The following C9orf50 variants were observed in gnomAD, a reference collection of about 807,000 sequenced individuals.
C9orf50 encodes chromosome 9 open reading frame 50.
Under a neutral mutation model 42.5 loss-of-function variants are expected in C9orf50, and 33 were observed. That is an observed-to-expected ratio of 0.78 (90% CI 0.59 to 1.04). C9orf50 has a LOEUF of 1.04. C9orf50 is among the 50% of genes least tolerant of loss of function. The probability of loss-of-function intolerance (pLI) is 0.00; values close to 1 mark genes in which losing one functional copy is unlikely to be tolerated. For missense variants in C9orf50, 547 were observed against 594.3 expected, an observed-to-expected ratio of 0.92 and a Z score of 0.83; for synonymous variants, 257 against 273.4, an observed-to-expected ratio of 0.94 and a Z score of 0.59.
intron 3 of C9orf50, among the ~76,000 whole-genome samples, chr9:129,619,208 G>T (rs80053692): frequency 0.015 from 2,234 of 152,284 alleles, 60 homozygotes; most frequent in African/African-American, 0.051. Flanking sequence ...GGTTGTAGAA[G>T]ACTTGGTTCA....
Position 129,614,777 on chromosome 9 carries a change from C to A in C9orf50, c.880+707G>T, listed in dbSNP as rs960752550. Among the ~76,000 whole-genome samples the A allele has an allele frequency of 1.3e-5, 2 of 152,120 alleles. No homozygotes were observed. The highest frequency in any genetic ancestry group is 4.8e-5 in the African/African-American group (2 of 41,426). ...ATTAGCCAGGGGCGGTGGCGCATGC[C>A]TGTAATCCCAGGTACTCAGGAGGCT... On this transcript the variant is annotated intron_variant, in intron 4 of 6. Coordinates refer to ENST00000372478, the Ensembl canonical transcript of C9orf50. This position sits in a 1 kb window ranked among gnomAD's most constrained non-coding sequence, Gnocchi z 4.4.
chr9:129,612,967 G>C, intron 6 of C9orf50, 140 bp downstream of exon 6: 3 of 1,087,640 alleles, frequency 2.8e-6, no homozygotes, highest in Non-Finnish European at 3.9e-6. Flanking sequence ...CGTGGCCACT[G>C]CAAGCCCCCA....
In C9orf50 at chr9:129,613,535, C is replaced by T. The variant is rs370776156; in HGVS notation, c.943G>A (p.Gly315Arg). Residue 315 changes from glycine to arginine, a missense_variant, in exon 5 of 7, where the codon GGG becomes AGG. By Grantham distance (125) the Gly-to-Arg change is moderately radical. Transcript: ENST00000372478. The surrounding 1 kb of genome is among the most constrained non-coding windows in gnomAD (Gnocchi z 6.2). ...CTCTCCAGCCGTTTTCCGACACTCC[C>T]AAACACCCGCTCGGACGCCACTGGC... 2.5e-6 allele frequency: 4 copies of T among 1,614,074 alleles called. No individual in the cohort carries two copies. Among genetic ancestry groups the T allele is most frequent in the Admixed American group, 1.7e-5 (1 of 60,004 alleles).
intron 1 of C9orf50, 60 bp from the exon 2 acceptor site, chr9:129,619,890 T>G (rs1588124048): frequency 1.3e-6 from 2 of 1,575,782 alleles, no homozygotes; most frequent in African/African-American, 2.7e-5. Flanking sequence ...TCTAGTCATG[T>G]GGCCTCGGGG....
chr9:129,616,073 T>G (rs1188913209), intron 3 of C9orf50, among the ~76,000 whole-genome samples: 2 of 152,142 alleles, frequency 1.3e-5, no homozygotes, highest in African/African-American at 4.8e-5. Context: ...CCTGACCCTT[T>G]TGAGCCTCAG....
rs1489805019 is a variant in C9orf50 at position 129,620,499 on chromosome 9, G to A, written c.76C>T (p.Arg26Cys). Residue 26 changes from arginine to cysteine, a missense_variant, in exon 1 of 7, where the codon CGC becomes TGC. By Grantham distance (180) the Arg-to-Cys change is radical. This residue lies in a region of C9orf50 where 105 missense variants were observed against 98.5 expected (regional missense o/e 1.07). Transcript: ENST00000372478. This position sits in a 1 kb window ranked among gnomAD's most constrained non-coding sequence, Gnocchi z 5.8. ...TTGGGCAGCCGCGGGTCGCTGCTGC[G>A]TCGGAAGTCTCCGTCGCCAGGGAGC... The A allele has an allele frequency of 2.1e-6, 3 of 1,423,620 alleles. No homozygotes were observed. The highest frequency in any genetic ancestry group is 1.5e-5 in the South Asian group (1 of 68,796). The allele number at this position is 1,423,620 out of a possible 1,614,324, so 88.2% of individuals were successfully genotyped here. A position where few individuals can be genotyped will look rare whatever the true frequency, so the allele number is the denominator to read the frequency against.
At position 129,620,305 on chromosome 9, in the gene C9orf50, G is replaced by C. The variant is rs1470523296; in HGVS notation, c.270C>G (p.Ala90=). The C allele has an allele frequency of 2.4e-6, 3 of 1,247,282 alleles. No homozygotes were observed. Among genetic ancestry groups the C allele is most frequent in the Non-Finnish European group, 3.0e-6 (3 of 993,300 alleles). 77.3% of individuals were successfully genotyped at this position (1,247,282 alleles called of 1,614,324 possible). ...ACCGCAGCAGCCCCCGCTTCCGCAC[G>C]GCCCGCCGGGTCGCGGTGAGCAAGG... is the stretch of plus-strand genomic sequence containing the variant. The change falls in exon 1 of 7, where the codon GCC becomes GCG. Residue 90 remains alanine, a synonymous_variant. Coordinates refer to ENST00000372478, the Ensembl canonical transcript of C9orf50. This position sits in a 1 kb window ranked among gnomAD's most constrained non-coding sequence, Gnocchi z 5.8.
chr9:129,615,466 C>T lies in C9orf50; in HGVS notation c.880+18G>A, dbSNP rs751071708. 4 of 1,565,596 alleles carry T rather than the reference C, an allele frequency of 2.6e-6. No individual in the cohort carries two copies. In the Admixed American group the frequency reaches 5.5e-5, roughly 22 times the overall value. On this transcript the variant is annotated intron_variant, in intron 4 of 6. Coordinates refer to ENST00000372478, the Ensembl canonical transcript of C9orf50. The stretch of plus-strand genomic sequence containing the variant: ...AGAACTTTCGGGAGTCTCGAGGCTC[C>T]CCATCCTGTCTGCTTACCTGAGCGT...
chr9:129,616,302 G>A (rs561712260), intron 3 of C9orf50, among the ~76,000 whole-genome samples: 1 of 152,102 alleles, frequency 6.6e-6, no homozygotes. Flanking sequence ...TGCAAGCTCC[G>A]CCTCCCGGGT....
chr9:129,619,447 G>A (rs185973798), intron 3 of C9orf50, 73 bp downstream of exon 3: 3 of 1,081,496 alleles, frequency 2.8e-6, no homozygotes, highest in East Asian at 2.4e-5. Context: ...ATTCATGGGC[G>A]AAAGAGGAAA....
chr9:129,615,032 C>G (rs1485075898), intron 4 of C9orf50, among the ~76,000 whole-genome samples: 4 of 152,250 alleles, frequency 2.6e-5, no homozygotes, highest in South Asian at 4.1e-4. Context: ...GAGAAAGTTT[C>G]CGCTTCGCGG....
chr9:129,618,677 A>ATTTAT (rs912479658), intron 3 of C9orf50, among the ~76,000 whole-genome samples: 7 of 150,716 alleles, frequency 4.6e-5, no homozygotes, highest in Non-Finnish European at 7.4e-5. Flanking sequence ...TTTATTTTTT[A>ATTTAT]TTTATTTTAT....
chr9:129,612,329 C>G (rs773451999), exon 7 of C9orf50: 5 of 1,605,082 alleles, frequency 3.1e-6, no homozygotes, highest in African/African-American at 1.3e-5. Context: ...GTGCCCCTGG[C>G]CTTGGGTTCG....
intron 3 of C9orf50, 67 bp downstream of exon 3, chr9:129,619,453 G>C (rs1272941033): frequency 8.8e-7 from 1 of 1,141,998 alleles, no homozygotes; most frequent in Non-Finnish European, 1.3e-6. Context: ...GGGCGAAAGA[G>C]GAAAGAAAGA....
rs181132472 is a variant in C9orf50, at chr9:129,615,713, C to T, written c.717-66G>A. ...CGTACCCCAGCACACACGCACCAGC[C>T]CCAGACTCGCTGTGAGATCCTGGAC... On this transcript the variant is annotated intron_variant, in intron 3 of 6. Transcript: ENST00000372478. The T allele has an allele frequency of 1.3e-4, 191 of 1,449,870 alleles. No homozygotes were observed. The African/African-American group carries it at 2.5e-3, about 19-fold the overall frequency. 89.8% of individuals were successfully genotyped at this position (1,449,870 alleles called of 1,614,324 possible). A position where few individuals can be genotyped will look rare whatever the true frequency, so the allele number is the denominator to read the frequency against.
chr9:129,613,545 C>T lies in C9orf50; in HGVS notation c.933G>A (p.Glu311=). The change falls in exon 5 of 7, where the codon GAG becomes GAA. Residue 311 remains glutamate, a synonymous_variant. Coordinates refer to ENST00000372478, the Ensembl canonical transcript of C9orf50. This position sits in a 1 kb window ranked among gnomAD's most constrained non-coding sequence, Gnocchi z 6.2. Reference sequence around the variant, plus strand: ...GTTTTCCGACACTCCCAAACACCCGCTCGGACGCCACTGGCAGGGCGGCCT... The same window carrying T: ...GTTTTCCGACACTCCCAAACACCCGTTCGGACGCCACTGGCAGGGCGGCCT... 6.2e-7 allele frequency: 1 copy of T among 1,614,188 alleles called. No individual in the cohort carries two copies. The highest frequency in any genetic ancestry group is 8.5e-7 in the Non-Finnish European group (1 of 1,180,022).
In C9orf50 at chr9:129,620,339, C is replaced by T. The variant is rs980741936; in HGVS notation, c.236G>A (p.Arg79His). ...GGTCGCGGTGAGCAAGGCGGGCAGG[C>T]GCGGCGGGAGGCGTCCGACGCCCAC... Residue 79 changes from arginine (R) to histidine (H), a missense_variant, in exon 1 of 7, where the codon CGC (arginine) becomes CAC (histidine). Around this residue, in one of 3 missense-constraint regions of C9orf50, gnomAD observed 108 missense variants for 172.1 expected, o/e 0.63. Transcript: ENST00000372478. This position sits in a 1 kb window ranked among gnomAD's most constrained non-coding sequence, Gnocchi z 5.8. The T allele has an allele frequency of 1.5e-5, 18 of 1,230,240 alleles. No individual in the cohort carries two copies. Among genetic ancestry groups the T allele is most frequent in the Middle Eastern group, 3.1e-4 (1 of 3,186 alleles). 76.2% of individuals were successfully genotyped at this position (1,230,240 alleles called of 1,614,324 possible). A position where few individuals can be genotyped will look rare whatever the true frequency, so the allele number is the denominator to read the frequency against.
chr9:129,613,621 G>A lies in C9orf50; in HGVS notation c.881-24C>T, dbSNP rs775692322. 1.9e-6 allele frequency: 3 copies of A among 1,613,570 alleles called. No homozygotes were observed. Among genetic ancestry groups the A allele is most frequent in the Non-Finnish European group, 2.5e-6 (3 of 1,179,866 alleles). ...GACTGCAGGAAAGAGGGCAGGGTGA[G>A]ATCTCTGCCCAGGAGGAGGGCACTG... On this transcript the variant is annotated intron_variant, in intron 4 of 6. Coordinates refer to ENST00000372478, the Ensembl canonical transcript of C9orf50. The surrounding 1 kb of genome is among the most constrained non-coding windows in gnomAD (Gnocchi z 6.2).
chr9:129,619,405 A>G (rs1830558345), intron 3 of C9orf50, 115 bp downstream of exon 3: 1 of 765,352 alleles, frequency 1.3e-6, no homozygotes, highest in Non-Finnish European at 2.2e-6. Flanking sequence ...GTAAGGATGG[A>G]TGAATGGGTA....
Sources: allele counts gnomAD v4.1 joint callset (sites outside exome capture counted in the v4.1 genomes callset), GRCh38; gene constraint gnomAD v4.1.1; regional missense constraint gnomAD v4.1.1; non-coding constraint Gnocchi (gnomAD v3.1); transcripts MANE v1.5; gene names NCBI Gene and HGNC (gene_info 2026-07-23, HGNC 2026-07-21).